The following DLGAP1 variants were observed in gnomAD, a reference collection of about 807,000 sequenced individuals.
The protein encoded by DLGAP1 is disks large-associated protein 1.
A neutral mutation model predicts 90.8 loss-of-function variants in DLGAP1; 11 were observed. The observed-to-expected ratio is 0.12, with a 90% CI of 0.08 to 0.20. The LOEUF is 0.20. DLGAP1 is among the 10% of genes least tolerant of loss of function. The pLI, the probability that DLGAP1 is intolerant of heterozygous loss-of-function variation, is 1.00. For missense variants in DLGAP1, 1,050 were observed against 1,333.8 expected (o/e 0.79, Z 3.31); for synonymous variants, 558 against 540.7 (o/e 1.03, Z -0.44).
intron 1 of DLGAP1, among the ~76,000 whole-genome samples, chr18:4,343,300 C>G (rs574841557): frequency 6.7e-4 from 91 of 136,482 alleles, no homozygotes; most frequent in Non-Finnish European, 1.1e-3. Context: ...GAGCAACACT[C>G]CTTCTCAAAA....
intron 2 of DLGAP1, among the ~76,000 whole-genome samples, chr18:4,025,106 C>T (rs193216080): frequency 6.6e-6 from 1 of 152,090 alleles, no homozygotes; most frequent in South Asian, 2.1e-4. Flanking sequence ...GATTTAGCAG[C>T]GGAAAGACAA....
intron 4 of DLGAP1, among the ~76,000 whole-genome samples, chr18:3,822,514 G>A (rs2067477131): frequency 6.6e-6 from 1 of 152,190 alleles, no homozygotes; most frequent in East Asian, 1.9e-4. Context: ...GGTGGAGGAA[G>A]GAAACGAGTA....
At chr18:3,815,155 G>A (rs1598857629) in intron 4 of DLGAP1, among the ~76,000 whole-genome samples, 1 of 152,138 alleles carries the variant, frequency 6.6e-6, no homozygotes, top group African/African-American at 2.4e-5. Flanking sequence ...TTAAGATTCG[G>A]GAATGTTTAC....
At chr18:3,927,758 TTTA>T (rs1413919662) in intron 3 of DLGAP1, among the ~76,000 whole-genome samples, 1 of 152,190 alleles carries the variant, frequency 6.6e-6, no homozygotes, top group Non-Finnish European at 1.5e-5. Flanking sequence ...AACATGTGAA[TTTA>T]TTATTAAGGA....
At chr18:4,128,333 A>G (rs1205183300) in intron 2 of DLGAP1, among the ~76,000 whole-genome samples, 2 of 152,170 alleles carry the variant, frequency 1.3e-5, no homozygotes, top group African/African-American at 4.8e-5. Context: ...GGATGTGAGT[A>G]GGCTATATGC....
At chr18:3,855,783 T>A (rs1263600328) in intron 4 of DLGAP1, among the ~76,000 whole-genome samples, 4 of 152,086 alleles carry the variant, frequency 2.6e-5, no homozygotes, top group Admixed American at 2.6e-4. Flanking sequence ...CAGGCTAATT[T>A]TTGTATTTTT....
intron 4 of DLGAP1, among the ~76,000 whole-genome samples, chr18:3,875,256 T>G (rs2070968553): frequency 6.6e-6 from 1 of 152,180 alleles, no homozygotes; most frequent in African/African-American, 2.4e-5. Flanking sequence ...ACGCACTCAT[T>G]TCCATTACTG....
At chr18:4,302,511 A>T (rs575880703) in intron 1 of DLGAP1, among the ~76,000 whole-genome samples, 7 of 151,870 alleles carry the variant, frequency 4.6e-5, no homozygotes, top group South Asian at 2.1e-4. Flanking sequence ...GTATTTTTAA[A>T]TTTTTTTTAT....
At chr18:3,591,032 ATTC>A (rs1401192799) in intron 7 of DLGAP1, among the ~76,000 whole-genome samples, 2 of 152,284 alleles carry the variant, frequency 1.3e-5, no homozygotes, top group Non-Finnish European at 2.9e-5. Context: ...CTTTCTAGTA[ATTC>A]TTTTTTGTTG....
intron 6 of DLGAP1, among the ~76,000 whole-genome samples, chr18:3,741,221 A>C (rs2062993434): frequency 1.2e-5 from 1 of 84,566 alleles, no homozygotes; most frequent in Non-Finnish European, 2.3e-5. Context: ...CCACCACCAC[A>C]TCACCATCAC....
intron 2 of DLGAP1, among the ~76,000 whole-genome samples, chr18:4,131,588 C>A (rs377126205): frequency 6.6e-6 from 1 of 152,088 alleles, no homozygotes; most frequent in South Asian, 2.1e-4. Flanking sequence ...ATTTGATCCA[C>A]GAGATGAGGT....
intron 7 of DLGAP1, among the ~76,000 whole-genome samples, chr18:3,625,428 A>G (rs1657047842): frequency 1.3e-5 from 2 of 152,212 alleles, no homozygotes; most frequent in Admixed American, 1.3e-4. Flanking sequence ...AAGTTCTTCA[A>G]GGAGGCACCA....
chr18:3,793,631 C>T (rs2148251634), intron 5 of DLGAP1, among the ~76,000 whole-genome samples: 1 of 152,206 alleles, frequency 6.6e-6, no homozygotes, highest in Non-Finnish European at 1.5e-5. Flanking sequence ...CTGTCTGGCT[C>T]CCTTCCCTCC....
intron 2 of DLGAP1, among the ~76,000 whole-genome samples, chr18:4,082,020 C>T (rs2075615085): frequency 6.6e-6 from 1 of 151,738 alleles, no homozygotes; most frequent in Admixed American, 6.6e-5. Flanking sequence ...CCAGCCTGGC[C>T]AACATGGTGA....
chr18:3,864,000 G>T (rs1390198952), intron 4 of DLGAP1, among the ~76,000 whole-genome samples: 1 of 152,158 alleles, frequency 6.6e-6, no homozygotes, highest in Non-Finnish European at 1.5e-5. Flanking sequence ...TTCTCCACTT[G>T]CTTATTTCTA....
intron 7 of DLGAP1, among the ~76,000 whole-genome samples, chr18:3,609,451 A>C (rs2145872116): frequency 6.6e-6 from 1 of 152,322 alleles, no homozygotes; most frequent in African/African-American, 2.4e-5. Flanking sequence ...AGTCTTAGCC[A>C]TGAACCTAGC....
chr18:3,832,897 C>A (rs2068110509), intron 4 of DLGAP1, among the ~76,000 whole-genome samples: 1 of 152,098 alleles, frequency 6.6e-6, no homozygotes, highest in Non-Finnish European at 1.5e-5. Context: ...GTGAGAGCAC[C>A]TTTCTCCTTT....
intron 5 of DLGAP1, among the ~76,000 whole-genome samples, chr18:3,786,751 T>A (rs2148181109): frequency 6.6e-6 from 1 of 152,326 alleles, no homozygotes; most frequent in East Asian, 1.9e-4. Flanking sequence ...TGTTTATTTT[T>A]AAATTGCTTT....
chr18:4,076,628 TTATTA>T (rs2075526617), intron 2 of DLGAP1, among the ~76,000 whole-genome samples: 2 of 152,032 alleles, frequency 1.3e-5, no homozygotes, highest in African/African-American at 4.8e-5. Context: ...AGTATTATTA[TTATTA>T]TTTTTCTTGA....
Sources: gnomAD v4.1 joint callset for allele counts (sites outside exome capture counted in the v4.1 genomes callset) on GRCh38, gnomAD v4.1.1 for gene constraint, MANE v1.5 for transcripts, NCBI Gene and HGNC (gene_info 2026-07-23, HGNC 2026-07-21) for gene names.